Variants in TWNK observed in about 807,000 individuals in gnomAD.
TWNK encodes twinkle mtDNA helicase.
TWNK carries 36 observed loss-of-function variants against 58.2 expected under a neutral mutation model. The observed-to-expected ratio is 0.62, with a 90% CI of 0.47 to 0.82. TWNK has a LOEUF of 0.82. Ranked by LOEUF, TWNK falls within the 40% of genes least tolerant of loss-of-function variation. The pLI, the probability that TWNK is intolerant of heterozygous loss-of-function variation, is 0.00. For missense variants in TWNK, 714 were observed against 881.0 expected, an observed-to-expected ratio of 0.81 and a Z score of 2.40; for synonymous variants, 349 against 348.5, an observed-to-expected ratio of 1.00 and a Z score of -0.02.
rs770345181 is a variant in TWNK at position 100,989,795 on chromosome 10, A to G, written c.1395A>G (p.Glu465=). Residue 465 remains glutamate (E), a synonymous_variant, in exon 2 of 5, where the codon GAA becomes GAG. Transcript: ENST00000311916. This position sits in a 1 kb window ranked among gnomAD's most constrained non-coding sequence, Gnocchi z 7.6. The stretch of plus-strand genomic sequence containing the variant: ...CACAGTTTGCCGAGGGGCGGCTGGA[A>G]GATCAACTGGACAAATATGATCACT... ...MLTQFAEGRL[E]DQLDKYDHWA... is the part of the protein sequence containing the mutation. 1 of 1,614,242 alleles carries G rather than the reference A, an allele frequency of 6.2e-7. No homozygotes were observed. The highest frequency in any genetic ancestry group is 8.5e-7 in the Non-Finnish European group (1 of 1,180,034).
Position 100,987,745 on chromosome 10 carries a change from T to C in TWNK, c.-466T>C. 3 of 582,082 alleles carry C rather than the reference T, an allele frequency of 5.2e-6. No individual in the cohort carries two copies. Among genetic ancestry groups the C allele is most frequent in the Non-Finnish European group, 6.1e-6 (2 of 330,170 alleles). 36.1% of individuals were successfully genotyped at this position (582,082 alleles called of 1,614,324 possible). On this transcript the variant is annotated 5_prime_UTR_variant, in exon 1 of 5. Transcript: ENST00000311916. The stretch of plus-strand genomic sequence containing the variant: ...GGAGTCGTGCTGGGTGCTCTCGCCG[T>C]GTTGAGGTCCCAGTGAGGGGAAGGA...
chr10:100,993,686 C>T lies in TWNK; in HGVS notation c.*176C>T. On this transcript the variant is annotated 3_prime_UTR_variant, in exon 5 of 5. Transcript: ENST00000311916. ...TTCAATGTAGCAGACTACTGAGAAA[C>T]TACTGTGTTGCTCAGGCTTTGTTTG... 1 of 696,750 alleles carries T rather than the reference C, an allele frequency of 1.4e-6. No homozygotes were observed. Among genetic ancestry groups the T allele is most frequent in the Non-Finnish European group, 2.4e-6 (1 of 408,966 alleles). The allele number at this position is 696,750 out of a possible 1,614,324, so 43.2% of individuals were successfully genotyped here.
chr10:100,988,834 G>A lies in TWNK; in HGVS notation c.624G>A (p.Trp208Ter). 2 of 1,614,198 alleles carry A rather than the reference G, an allele frequency of 1.2e-6. No homozygotes were observed. Among genetic ancestry groups the A allele is most frequent in the Non-Finnish European group, 1.7e-6 (2 of 1,180,038 alleles). The stretch of plus-strand genomic sequence containing the variant: ...CTGCTCGCAGTCTTGTCTTCCCTTG[G>A]TTCTCCCCTGGGGGCTCAGGATTAC... ...LRPARSLVFP[W>*]FSPGGSGLRG... The change falls in exon 1 of 5, where the codon TGG becomes TGA. Residue 208 changes from tryptophan to a stop codon, truncating the protein, a stop_gained. Transcript: ENST00000311916. LOFTEE classifies it high-confidence loss of function. This position sits in a 1 kb window ranked among gnomAD's most constrained non-coding sequence, Gnocchi z 5.2.
At position 100,989,701 on chromosome 10, in the gene TWNK, C is replaced by T. The variant is rs372311614; in HGVS notation, c.1301C>T (p.Ser434Phe). The change falls in exon 2 of 5, where the codon TCC becomes TTC. Residue 434 changes from serine (S) to phenylalanine (F), a missense_variant. Around this residue, in one of 3 missense-constraint regions of TWNK, gnomAD observed 302 missense variants for 438.6 expected, o/e 0.69. Coordinates refer to ENST00000311916, the MANE Select transcript of TWNK (RefSeq NM_021830.5). This position sits in a 1 kb window ranked among gnomAD's most constrained non-coding sequence, Gnocchi z 7.6. ...AGTGAGTATGCCCTGGATTTGTGTT[C>T]CCAGGGGGTGAACACACTGTGGGGT... Reference protein sequence around the residue: ...FISEYALDLCSQGVNTLWGSF... With the variant: ...FISEYALDLCFQGVNTLWGSF... 9 of 1,614,144 alleles carry T rather than the reference C, an allele frequency of 5.6e-6. No homozygotes were observed. The highest frequency in any genetic ancestry group is 1.1e-5 in the South Asian group (1 of 91,078).
rs112662458 is a variant in TWNK at position 100,987,659 on chromosome 10, A to G, written c.-552A>G. 2.2e-5 allele frequency: 14 copies of G among 633,098 alleles called. No homozygotes were observed. The highest frequency in any genetic ancestry group is 1.7e-4 in the African/African-American group (9 of 54,358). 39.2% of individuals were successfully genotyped at this position (633,098 alleles called of 1,614,324 possible). A position where few individuals can be genotyped will look rare whatever the true frequency, so the allele number is the denominator to read the frequency against. ...GGCGCGGCGGAGCTCGGAGTAGTAG[A>G]GCGGAGTGAAGACACGGGGGAGGAT... On this transcript the variant is annotated 5_prime_UTR_variant, in exon 1 of 5. Coordinates refer to ENST00000311916, the MANE Select transcript of TWNK (RefSeq NM_021830.5).
In TWNK at chr10:100,988,481, A is replaced by C; in HGVS notation, c.271A>C (p.Lys91Gln). 6.2e-7 allele frequency: 1 copy of C among 1,614,252 alleles called. No homozygotes were observed. The highest frequency in any genetic ancestry group is 1.1e-5 in the South Asian group (1 of 91,092). Residue 91 changes from lysine to glutamine, a missense_variant, in exon 1 of 5, where the codon AAA (lysine) becomes CAA (glutamine). Physicochemically the swap from Lys to Gln is moderately conservative, Grantham distance 53. Around this residue, in one of 3 missense-constraint regions of TWNK, gnomAD observed 348 missense variants for 388.4 expected, o/e 0.90. Transcript: ENST00000311916. The surrounding 1 kb of genome is among the most constrained non-coding windows in gnomAD (Gnocchi z 5.2). ...CCCCTTTGCAGAGTCTTCACAGCTCAAAGGCCAGACTGGTGTTACCACTTC... is the reference window on the plus strand; with the variant it reads ...CCCCTTTGCAGAGTCTTCACAGCTCCAAGGCCAGACTGGTGTTACCACTTC... ...LSPFAESSQL[K>Q]GQTGVTTSFS...
At chr10:100,991,858 A>G (rs1421762458) in intron 4 of TWNK, among the ~76,000 whole-genome samples, 33 of 148,776 alleles carry the variant, frequency 2.2e-4, no homozygotes, top group African/African-American at 8.0e-4. Context: ...AAAAATACAA[A>G]AAAAAAAAAA....
intron 4 of TWNK, among the ~76,000 whole-genome samples, chr10:100,992,879 C>T (rs1359413673): frequency 2.6e-5 from 4 of 152,072 alleles, no homozygotes; most frequent in East Asian, 1.9e-4. Context: ...CTCCGCCTCC[C>T]GGATTCAAGC....
In TWNK at chr10:100,989,827, A is replaced by AC; in HGVS notation, c.1429dup (p.Arg477ProfsTer3). On this transcript the variant is annotated frameshift_variant, in exon 2 of 5. Transcript: ENST00000311916. LOFTEE classifies it high-confidence loss of function. This position sits in a 1 kb window ranked among gnomAD's most constrained non-coding sequence, Gnocchi z 7.6. The stretch of plus-strand genomic sequence containing the variant: ...CTGGACAAATATGATCACTGGGCTG[A>AC]CCGCTTTGAGGACCTGCCCCTCTAT... The AC allele has an allele frequency of 6.2e-7, 1 of 1,614,180 alleles. No homozygotes were observed. Among genetic ancestry groups the AC allele is most frequent in the Non-Finnish European group, 8.5e-7 (1 of 1,180,022 alleles).
chr10:100,990,997 T>C lies in TWNK; in HGVS notation c.1721T>C (p.Phe574Ser), dbSNP rs1446585289. ...AAGGAACTGCAGACAGCGTCCATTT[T>C]TGGCTCAGCCAAAGTGAGTGGCCTT... ...DDKELQTASIFGSAKASQEAD... is the reference protein window; with the variant it reads ...DDKELQTASISGSAKASQEAD... Residue 574 changes from phenylalanine (F) to serine (S), a missense_variant, in exon 4 of 5, where the codon TTT becomes TCT. By Grantham distance (155) the Phe-to-Ser change is radical. This residue lies in a region of TWNK where 302 missense variants were observed against 438.6 expected (regional missense o/e 0.69). Coordinates refer to ENST00000311916, the MANE Select transcript of TWNK (RefSeq NM_021830.5). 1.2e-6 allele frequency: 2 copies of C among 1,614,212 alleles called. No individual in the cohort carries two copies. The highest frequency in any genetic ancestry group is 2.2e-5 in the South Asian group (2 of 91,084).
chr10:100,988,616 G>C lies in TWNK; in HGVS notation c.406G>C (p.Ala136Pro), dbSNP rs780446227. The change falls in exon 1 of 5, where the codon GCC (alanine) becomes CCC (proline). Residue 136 changes from alanine to proline, a missense_variant. Ala to Pro is a conservative substitution (Grantham distance 27). Around this residue, in one of 3 missense-constraint regions of TWNK, gnomAD observed 348 missense variants for 388.4 expected, o/e 0.90. Transcript: ENST00000311916. This position sits in a 1 kb window ranked among gnomAD's most constrained non-coding sequence, Gnocchi z 5.2. Reference protein sequence around the residue: ...QASVEGRGDGAREGFLLSKAP... With the variant: ...QASVEGRGDGPREGFLLSKAP... ...CAGCGTGGAGGGGCGAGGGGATGGG[G>C]CCAGGGAGGGGTTTCTGCTTAGCAA... The C allele has an allele frequency of 1.2e-6, 2 of 1,613,770 alleles. No homozygotes were observed. Among genetic ancestry groups the C allele is most frequent in the African/African-American group, 2.7e-5 (2 of 74,938 alleles).
At chr10:100,991,031 C>T in intron 4 of TWNK, 21 bp downstream of exon 4, 3 of 1,613,902 alleles carry the variant, frequency 1.9e-6, no homozygotes, top group Non-Finnish European at 2.5e-6. Context: ...TTTAGCGGAG[C>T]TCAAGCTTTG....
In TWNK at chr10:100,989,581, C is replaced by G. The variant is rs1043658920; in HGVS notation, c.1244-63C>G. On this transcript the variant is annotated intron_variant, in intron 1 of 4. Transcript: ENST00000311916. This position sits in a 1 kb window ranked among gnomAD's most constrained non-coding sequence, Gnocchi z 7.6. ...TTTCCCCCCAGTTTTAAAGCCCTGA[C>G]CTATGTCTTGGTTTCAAGGGTAGGA... The G allele has an allele frequency of 1.2e-6, 2 of 1,612,220 alleles. No homozygotes were observed. The highest frequency in any genetic ancestry group is 2.7e-5 in the African/African-American group (2 of 74,874).
chr10:100,991,119 A>T (rs145481260), intron 4 of TWNK, 109 bp downstream of exon 4: 1 of 1,522,568 alleles, frequency 6.6e-7, no homozygotes, highest in African/African-American at 1.4e-5. Flanking sequence ...CCGAACAGGC[A>T]GGAGGCAATG....
In TWNK at chr10:100,990,877, C is replaced by G. The variant is rs1851752042; in HGVS notation, c.1601C>G (p.Ala534Gly). The G allele has an allele frequency of 6.2e-7, 1 of 1,614,224 alleles. No individual in the cohort carries two copies. Among genetic ancestry groups the G allele is most frequent in the African/African-American group, 1.3e-5 (1 of 75,048 alleles). The part of the protein sequence containing the change: ...HEQLSTDRIA[A>G]QDYIIGVFRK... ...TTGTTGGGATGGCGTAGGATCGCAG[C>G]TCAAGACTACATCATCGGGGTCTTT... Residue 534 changes from alanine to glycine, a missense_variant, in exon 4 of 5, where the codon GCT (alanine) becomes GGT (glycine). By Grantham distance (60) the Ala-to-Gly change is moderately conservative (BLOSUM62 0). Coordinates refer to ENST00000311916, the MANE Select transcript of TWNK (RefSeq NM_021830.5).
chr10:100,992,584 A>C (rs1289930172), intron 4 of TWNK, among the ~76,000 whole-genome samples: 1 of 146,766 alleles, frequency 6.8e-6, no homozygotes, highest in African/African-American at 2.5e-5. Flanking sequence ...TGTGACATTT[A>C]GACTGAGACC....
Position 100,993,236 on chromosome 10 carries a change from T to A in TWNK, c.1781T>A (p.Leu594Gln). 6.2e-7 allele frequency: 1 copy of A among 1,614,202 alleles called. No individual in the cohort carries two copies. The stretch of plus-strand genomic sequence containing the variant: ...GTTCTGATCCTGCAGGACAGGAAGC[T>A]GGTAACCGGGCCAGGGAAACGGTAT... ...DNVLILQDRK[L>Q]VTGPGKRYLQ... is the part of the protein sequence containing the mutation. Residue 594 changes from leucine (L) to glutamine (Q), a missense_variant, in exon 5 of 5, where the codon CTG (leucine) becomes CAG (glutamine). Physicochemically the swap from Leu to Gln is moderately radical, Grantham distance 113. Coordinates refer to ENST00000311916, the MANE Select transcript of TWNK (RefSeq NM_021830.5).
intron 4 of TWNK, among the ~76,000 whole-genome samples, chr10:100,992,237 G>A (rs533095688): frequency 1.9e-5 from 2 of 105,306 alleles, no homozygotes; most frequent in Non-Finnish European, 3.7e-5. Context: ...TTTTTGAGAC[G>A]GAGTCTCGCT....
chr10:100,993,269 T>TGG lies in TWNK; in HGVS notation c.1815_1816insGG (p.Ser606GlyfsTer10). 1 of 1,614,186 alleles carries TGG rather than the reference T, an allele frequency of 6.2e-7. No homozygotes were observed. Among genetic ancestry groups the TGG allele is most frequent in the East Asian group, 2.2e-5 (1 of 44,882 alleles). ...GGGCCAGGGAAACGGTATCTGCAGGTGTCCAAGAACCGCTTTGATGGAGAT... is the reference window on the plus strand; with the variant it reads ...GGGCCAGGGAAACGGTATCTGCAGGTGGGTCCAAGAACCGCTTTGATGGAGAT... On this transcript the variant is annotated frameshift_variant, in exon 5 of 5. Coordinates refer to ENST00000311916, the MANE Select transcript of TWNK (RefSeq NM_021830.5). LOFTEE classifies it high-confidence loss of function.
Sources: gnomAD v4.1 joint callset for allele counts (sites outside exome capture counted in the v4.1 genomes callset) on GRCh38, gnomAD v4.1.1 for gene constraint, gnomAD v4.1.1 regional missense constraint, Gnocchi (gnomAD v3.1) non-coding constraint, MANE v1.5 for transcripts, NCBI Gene and HGNC (gene_info 2026-07-23, HGNC 2026-07-21) for gene names.